CFAP36: variants seen among roughly 807,000 people sequenced by gnomAD.
CFAP36 encodes the protein cilia- and flagella-associated protein 36.
A neutral mutation model predicts 50.5 loss-of-function variants in CFAP36; 37 were observed. The ratio of observed to expected loss-of-function variants is 0.73; its 90% CI spans 0.56 to 0.96. The LOEUF (loss-of-function observed/expected upper bound fraction) is 0.96, where lower values mean the gene tolerates loss of function less well. Ranked by LOEUF, CFAP36 falls within the 50% of genes least tolerant of loss-of-function variation. The probability of loss-of-function intolerance (pLI) is 0.00; values close to 1 mark genes in which losing one functional copy is unlikely to be tolerated. For synonymous variants in CFAP36, 138 were observed against 128.2 expected (o/e 1.08, Z -0.52); for missense variants, 407 against 396.2 (o/e 1.03, Z -0.23).
chr2:55,542,258 G>A (rs943152927), intron 7 of CFAP36, among the ~76,000 whole-genome samples: 4 of 152,158 alleles, frequency 2.6e-5, no homozygotes, highest in Non-Finnish European at 5.9e-5. Flanking sequence ...ATATAATTCA[G>A]TTGTACACAT....
At chr2:55,533,747 G>T (rs924978348) in intron 4 of CFAP36, 126 bp from the exon 5 acceptor site, 2 of 360,492 alleles carry the variant, frequency 5.5e-6, no homozygotes, top group Admixed American at 4.5e-5. Flanking sequence ...TAGTTAAAAA[G>T]ATAATAGCTT....
Position 55,521,627 on chromosome 2 carries a change from T to A in CFAP36, c.116-475T>A, listed in dbSNP as rs199774173. The stretch of plus-strand genomic sequence containing the variant: ...TGTGTGTGTGTGTGTGTGTGTATAT[T>A]TTTTTTTCTTTTTTTTTTTTGAGAT... On this transcript the variant is annotated intron_variant, in intron 1 of 9. Transcript: ENST00000349456. Among the ~76,000 whole-genome samples, 70 of 136,304 alleles carry A rather than the reference T, an allele frequency of 5.1e-4. 1 individual carries two copies. The highest frequency in any genetic ancestry group is 1.8e-3 in the African/African-American group (66 of 36,154). 89.4% of individuals were successfully genotyped at this position (136,304 alleles called of 152,430 possible).
intron 3 of CFAP36, among the ~76,000 whole-genome samples, chr2:55,526,222 G>A (rs575946341): frequency 6.6e-6 from 1 of 152,260 alleles, no homozygotes; most frequent in South Asian, 2.1e-4. Context: ...TAAGTCCTTT[G>A]AGCTGTGTTT....
intron 4 of CFAP36, 90 bp downstream of exon 4, chr2:55,529,082 C>G: frequency 2.3e-6 from 2 of 852,482 alleles, no homozygotes; most frequent in South Asian, 3.9e-5. Context: ...GTAGCTGTCT[C>G]ATGTACATTT....
chr2:55,520,488 T>C (rs372801727), intron 1 of CFAP36: 1 of 1,538,344 alleles, frequency 6.5e-7, no homozygotes, highest in African/African-American at 1.4e-5. Flanking sequence ...TGGTGAGCTC[T>C]CTACTCTTCG....
In CFAP36 at chr2:55,522,173, ATT is replaced by A. The variant is rs763080220; in HGVS notation, c.180+14_180+15del. 6.9e-7 allele frequency: 1 copy of A among 1,448,434 alleles called. No individual in the cohort carries two copies. Among genetic ancestry groups the A allele is most frequent in the Non-Finnish European group, 9.5e-7 (1 of 1,056,598 alleles). The allele number at this position is 1,448,434 out of a possible 1,614,324, so 89.7% of individuals were successfully genotyped here. A position where few individuals can be genotyped will look rare whatever the true frequency, so the allele number is the denominator to read the frequency against. On this transcript the variant is annotated splice_region_variant and intron_variant, in intron 2 of 9. Coordinates refer to ENST00000349456, the MANE Select transcript of CFAP36 (RefSeq NM_080667.7). ...TCAGGAATACAAAGAACTAGTGAGT[ATT>A]TTTTTTCACTGATTTTTAAAAGTAA... is the stretch of plus-strand genomic sequence containing the variant.
chr2:55,527,212 T>C (rs1043201185), intron 3 of CFAP36, among the ~76,000 whole-genome samples: 3 of 152,228 alleles, frequency 2.0e-5, no homozygotes, highest in African/African-American at 4.8e-5. Context: ...ATGATTATAG[T>C]TGGAGACTTC....
At chr2:55,540,483 A>G (rs1036626136) in intron 7 of CFAP36, among the ~76,000 whole-genome samples, 1 of 152,080 alleles carries the variant, frequency 6.6e-6, no homozygotes, top group African/African-American at 2.4e-5. Context: ...TGCAAATACC[A>G]CACTCTCTTG....
rs753462493 is a variant in CFAP36 at position 55,545,009 on chromosome 2, T to C, written c.*1T>C. 5.3e-6 allele frequency: 8 copies of C among 1,508,184 alleles called. No individual in the cohort carries two copies. The Admixed American group carries it at 1.5e-4, about 28-fold the overall frequency. 93.4% of individuals were successfully genotyped at this position (1,508,184 alleles called of 1,614,324 possible). A position where few individuals can be genotyped will look rare whatever the true frequency, so the allele number is the denominator to read the frequency against. On this transcript the variant is annotated 3_prime_UTR_variant, in exon 10 of 10. Coordinates refer to ENST00000349456, the MANE Select transcript of CFAP36 (RefSeq NM_080667.7). ...CAAAGAAGAAGTTATTAATAAGTAA[T>C]AATTAAGAACAATTTAACAAAATGG... is the stretch of plus-strand genomic sequence containing the variant.
At position 55,535,783 on chromosome 2, in the gene CFAP36, CAGA is replaced by C; in HGVS notation, c.537+23_537+25del. 6.5e-7 allele frequency: 1 copy of C among 1,547,746 alleles called. No individual in the cohort carries two copies. The highest frequency in any genetic ancestry group is 8.7e-7 in the Non-Finnish European group (1 of 1,155,532). ...AAACAGGTGCCTACAGAACATATAA[CAGA>C]AGTATTTTATTGCTGTTATCTCTTA... On this transcript the variant is annotated intron_variant, in intron 6 of 9. Coordinates refer to ENST00000349456, the MANE Select transcript of CFAP36 (RefSeq NM_080667.7).
At chr2:55,522,348 CTT>C (rs1684091680) in intron 2 of CFAP36, among the ~76,000 whole-genome samples, 182 bp downstream of exon 2, 1 of 152,166 alleles carries the variant, frequency 6.6e-6, no homozygotes, top group Admixed American at 6.5e-5. Flanking sequence ...ATTTGGATGA[CTT>C]ATCTCCTCTA....
At chr2:55,539,668 A>G (rs1015423819) in intron 7 of CFAP36, 1 of 152,196 alleles carries the variant, frequency 6.6e-6, no homozygotes, top group African/African-American at 2.4e-5. Context: ...TTACAGTAAG[A>G]GTATGTTTAG....
intron 2 of CFAP36, 137 bp downstream of exon 2, chr2:55,522,303 G>A (rs1377516576): frequency 9.4e-6 from 5 of 533,700 alleles, no homozygotes; most frequent in Non-Finnish European, 1.0e-5. Context: ...AATAGTGCCA[G>A]TTATATCTGT....
chr2:55,534,190 G>A (rs750898042), intron 5 of CFAP36, among the ~76,000 whole-genome samples: 4 of 152,112 alleles, frequency 2.6e-5, no homozygotes, highest in Non-Finnish European at 4.4e-5. Context: ...TTTTACACCC[G>A]CATCATAGGA....
At chr2:55,533,576 T>A (rs760952132) in intron 4 of CFAP36, among the ~76,000 whole-genome samples, 142 of 151,842 alleles carry the variant, frequency 9.4e-4, no homozygotes, top group Non-Finnish European at 1.6e-3. Context: ...GCAGCTGTAA[T>A]CCCAGCTACT....
In CFAP36 at chr2:55,520,561, T is replaced by C. The variant is rs574293030; in HGVS notation, c.115+645T>C. ...TTGGAACAAATGAGGCGTATAGATA[T>C]GGCATAATATTCCCCGTGAAGGACA... On this transcript the variant is annotated intron_variant, in intron 1 of 9. Coordinates refer to ENST00000349456, the MANE Select transcript of CFAP36 (RefSeq NM_080667.7). The C allele has an allele frequency of 4.9e-6, 5 of 1,025,638 alleles. No homozygotes were observed. In the East Asian group the frequency reaches 1.2e-4, roughly 25 times the overall value. The allele number at this position is 1,025,638 out of a possible 1,614,324, so 63.5% of individuals were successfully genotyped here.
In CFAP36 at chr2:55,527,381, G is replaced by T. The variant is rs532112486; in HGVS notation, c.283-1497G>T. On this transcript the variant is annotated intron_variant, in intron 3 of 9. Coordinates refer to ENST00000349456, the MANE Select transcript of CFAP36 (RefSeq NM_080667.7). The stretch of plus-strand genomic sequence containing the variant: ...GTGGATCACTTGAGGTCAGGAGTTC[G>T]AGACCAGCCTGGCCAACGTGGTGAA... 4.0e-5 allele frequency among the ~76,000 whole-genome samples: 6 copies of T among 151,856 alleles called. No homozygotes were observed. In the South Asian group the frequency reaches 8.3e-4, roughly 21 times the overall value.
rs78883406 is a variant in CFAP36 at position 55,533,833 on chromosome 2, G to T, written c.398-40G>T. The T allele has an allele frequency of 1.5e-4, 183 of 1,209,760 alleles. No individual in the cohort carries two copies. In the African/African-American group the frequency reaches 2.0e-3, roughly 13 times the overall value. The allele number at this position is 1,209,760 out of a possible 1,614,324, so 74.9% of individuals were successfully genotyped here. ...ACAGTGAGAAATATATGTTTTTAATGGAGTTGATACTATTTCATGTGGTCT... is the reference window on the plus strand; with the variant it reads ...ACAGTGAGAAATATATGTTTTTAATTGAGTTGATACTATTTCATGTGGTCT... On this transcript the variant is annotated intron_variant, in intron 4 of 9. Coordinates refer to ENST00000349456, the MANE Select transcript of CFAP36 (RefSeq NM_080667.7).
intron 3 of CFAP36, among the ~76,000 whole-genome samples, chr2:55,526,501 G>A (rs1235684545): frequency 6.6e-6 from 1 of 152,118 alleles, no homozygotes; most frequent in East Asian, 1.9e-4. Flanking sequence ...GACTGCAGTC[G>A]CTCAGTCATA....
Sources: allele counts gnomAD v4.1 joint callset (sites outside exome capture counted in the v4.1 genomes callset), GRCh38; gene constraint gnomAD v4.1.1; transcripts MANE v1.5; gene names NCBI Gene and HGNC (gene_info 2026-07-23, HGNC 2026-07-21).